Variants in BNC2 observed in about 807,000 individuals in gnomAD.
BNC2 encodes the protein basonuclin zinc finger protein 2.
Under a neutral mutation model 76.3 loss-of-function variants are expected in BNC2, and 20 were observed. The ratio of observed to expected loss-of-function variants is 0.26; its 90% CI spans 0.18 to 0.38. The LOEUF (loss-of-function observed/expected upper bound fraction) is 0.38. Among genes scored for constraint, BNC2 ranks in the 10% least tolerant of loss-of-function variants. The pLI is 1.00. For missense variants in BNC2, 1,382 were observed against 1,399.8 expected (o/e 0.99, Z 0.20); for synonymous variants, 582 against 514.8 (o/e 1.13, Z -1.77).
chr9:16,599,039 T>C (rs1029262376), intron 3 of BNC2, among the ~76,000 whole-genome samples: 1 of 152,168 alleles, frequency 6.6e-6, no homozygotes, highest in Non-Finnish European at 1.5e-5. Flanking sequence ...CATTCACCCA[T>C]ATAAAAACAA....
intron 3 of BNC2, among the ~76,000 whole-genome samples, chr9:16,682,334 C>T (rs1040142804): frequency 4.5e-5 from 5 of 110,508 alleles, no homozygotes; most frequent in Non-Finnish European, 6.7e-5. Flanking sequence ...TCATAGTGAT[C>T]GACAGACTTC....
intron 3 of BNC2, among the ~76,000 whole-genome samples, chr9:16,630,608 A>C (rs1821132517): frequency 6.6e-6 from 1 of 152,224 alleles, no homozygotes; most frequent in South Asian, 2.1e-4. Context: ...AACTACACAT[A>C]GGAAAAATAA....
chr9:16,821,052 G>A (rs1243670955), intron 1 of BNC2, among the ~76,000 whole-genome samples: 1 of 151,990 alleles, frequency 6.6e-6, no homozygotes, highest in African/African-American at 2.4e-5. Flanking sequence ...GGCCAACATG[G>A]TGAAACCCCA....
intron 3 of BNC2, among the ~76,000 whole-genome samples, chr9:16,679,369 C>G (rs1383716785): frequency 6.6e-6 from 1 of 152,168 alleles, no homozygotes; most frequent in Admixed American, 6.5e-5. Flanking sequence ...TGGTTCAACA[C>G]GATGTCATCG....
intron 5 of BNC2, among the ~76,000 whole-genome samples, chr9:16,492,469 G>A (rs935522271): frequency 6.6e-6 from 1 of 152,194 alleles, no homozygotes; most frequent in Non-Finnish European, 1.5e-5. Context: ...CACTTCAACT[G>A]ATTAACTGGC....
chr9:16,832,856 G>C (rs1818613157), intron 1 of BNC2, among the ~76,000 whole-genome samples: 1 of 152,004 alleles, frequency 6.6e-6, no homozygotes, highest in Non-Finnish European at 1.5e-5. Context: ...CTGCCGAGTA[G>C]CTGGGACTAC....
rs144217211 is a variant in BNC2 at position 16,419,556 on chromosome 9, G to T, written c.2733C>A (p.Asp911Glu). Reference protein sequence around the residue: ...LDSSQPSLSKDLRDEFLVKIY... With the variant: ...LDSSQPSLSKELRDEFLVKIY... ...TCTTCACCAAAAATTCATCGCGGAG[G>T]TCCTTGCTAAGGGAGGGCTGCGACG... Residue 911 changes from aspartate (D) to glutamate (E), a missense_variant, in exon 7 of 7, where the codon GAC (aspartate) becomes GAA (glutamate). Around this residue, in one of 3 missense-constraint regions of BNC2, gnomAD observed 798 missense variants for 775.5 expected, o/e 1.03. Transcript: ENST00000380672. 495 of 1,613,836 alleles carry T rather than the reference G, an allele frequency of 3.1e-4. 2 individuals carry two copies. The African/African-American group carries it at 5.2e-3, about 17-fold the overall frequency.
chr9:16,614,123 G>A (rs1232060481), intron 3 of BNC2, among the ~76,000 whole-genome samples: 1 of 152,132 alleles, frequency 6.6e-6, no homozygotes, highest in African/African-American at 2.4e-5. Context: ...TTAACGCTTG[G>A]GATTGAAACC....
chr9:16,769,751 T>C (rs1825786484), intron 1 of BNC2, among the ~76,000 whole-genome samples: 1 of 152,198 alleles, frequency 6.6e-6, no homozygotes, highest in African/African-American at 2.4e-5. Context: ...TCTAGCAGAA[T>C]GCCTGGCACA....
At chr9:16,854,134 T>G (rs1044695511) in intron 1 of BNC2, among the ~76,000 whole-genome samples, 1 of 152,146 alleles carries the variant, frequency 6.6e-6, no homozygotes, top group Non-Finnish European at 1.5e-5. Context: ...CTTTCTACTT[T>G]CTCTTCCCAT....
intron 1 of BNC2, among the ~76,000 whole-genome samples, chr9:16,840,903 C>T (rs1261873682): frequency 6.6e-6 from 1 of 152,198 alleles, no homozygotes; most frequent in East Asian, 1.9e-4. Flanking sequence ...CCACAATAAA[C>T]AGGCCTAACT....
At position 16,437,513 on chromosome 9, in the gene BNC2, G is replaced by A. The variant is rs758247326; in HGVS notation, c.681C>T (p.Gly227=). The change falls in exon 6 of 7, where the codon GGC becomes GGT. Residue 227 remains glycine (G), a synonymous_variant. Transcript: ENST00000380672. ...TGATGGCCCAGCGGTCCAGCACCTT[G>A]CCAGCAGCATCCTAGAGGCCACATC... ...VRGYILQDAA[G]KVLDRWAIMS... 89 of 1,612,520 alleles carry A rather than the reference G, an allele frequency of 5.5e-5. No homozygotes were observed. The Middle Eastern group carries it at 8.2e-4, about 15-fold the overall frequency.
chr9:16,697,162 C>T (rs1035621836), intron 3 of BNC2, among the ~76,000 whole-genome samples: 1 of 149,330 alleles, frequency 6.7e-6, no homozygotes, highest in Non-Finnish European at 1.5e-5. Context: ...ATTTCGAGAC[C>T]AGCCTAGCTA....
intron 5 of BNC2, among the ~76,000 whole-genome samples, chr9:16,511,675 G>C (rs561583638): frequency 1.3e-5 from 2 of 151,990 alleles, no homozygotes; most frequent in African/African-American, 4.8e-5. Flanking sequence ...GGAATCCATG[G>C]GCCTCAGCCC....
intron 4 of BNC2, among the ~76,000 whole-genome samples, chr9:16,568,225 T>C (rs559976069): frequency 7.2e-5 from 11 of 152,250 alleles, no homozygotes; most frequent in African/African-American, 2.6e-4. Context: ...TTAACACACG[T>C]CTTTAGGGAT....
At chr9:16,613,706 A>C (rs1820617506) in intron 3 of BNC2, among the ~76,000 whole-genome samples, 1 of 152,192 alleles carries the variant, frequency 6.6e-6, no homozygotes, top group Non-Finnish European at 1.5e-5. Flanking sequence ...GCATCCTTGA[A>C]TCCAACCACC....
chr9:16,475,715 CT>C (rs1821914304), intron 5 of BNC2, among the ~76,000 whole-genome samples: 2 of 152,174 alleles, frequency 1.3e-5, no homozygotes, highest in African/African-American at 4.8e-5. Context: ...GTTGGGAATA[CT>C]TTTGCCTGCA....
At chr9:16,733,696 A>G (rs1824578830) in intron 2 of BNC2, among the ~76,000 whole-genome samples, 2 of 152,158 alleles carry the variant, frequency 1.3e-5, no homozygotes, top group South Asian at 4.1e-4. Context: ...ATCTCTACTC[A>G]TAAAGGTACT....
chr9:16,682,383 C>G (rs1822851515), intron 3 of BNC2, among the ~76,000 whole-genome samples: 1 of 151,030 alleles, frequency 6.6e-6, no homozygotes, highest in Non-Finnish European at 1.5e-5. Flanking sequence ...CTGCATTTAA[C>G]TAGCAGCAGC....
Sources: gnomAD v4.1 joint callset for allele counts (sites outside exome capture counted in the v4.1 genomes callset) on GRCh38, gnomAD v4.1.1 for gene constraint, gnomAD v4.1.1 regional missense constraint, MANE v1.5 for transcripts, NCBI Gene and HGNC (gene_info 2026-07-23, HGNC 2026-07-21) for gene names.